Variants in SUMF1 observed in about 807,000 individuals in gnomAD.
The protein encoded by SUMF1 is sulfatase modifying factor 1, also known as formylglycine-generating enzyme.
A neutral mutation model predicts 47.6 loss-of-function variants in SUMF1; 48 were observed. The observed-to-expected ratio is 1.01, with a 90% CI of 0.80 to 1.28. SUMF1 has a LOEUF of 1.28. SUMF1 is among the 50% of genes most tolerant of loss of function. The probability of loss-of-function intolerance (pLI) is 0.00; values close to 1 mark genes in which losing one functional copy is unlikely to be tolerated. For missense variants in SUMF1, 571 were observed against 485.4 expected (o/e 1.18, Z -1.66); for synonymous variants, 230 against 192.1 (o/e 1.20, Z -1.63).
At chr3:4,227,919 G>A (rs892240879) in intron 8 of SUMF1, among the ~76,000 whole-genome samples, 3 of 152,090 alleles carry the variant, frequency 2.0e-5, no homozygotes, top group Non-Finnish European at 4.4e-5. Flanking sequence ...ATTTATATTT[G>A]AGTGTGATGC....
At chr3:4,106,144 C>A (rs1693153007) in intron 8 of SUMF1, among the ~76,000 whole-genome samples, 1 of 151,938 alleles carries the variant, frequency 6.6e-6, no homozygotes, top group South Asian at 2.1e-4. Context: ...AGGAGAATTT[C>A]TGTAGGGTTC....
At chr3:4,216,010 T>C (rs1408610913) in intron 8 of SUMF1, among the ~76,000 whole-genome samples, 1 of 152,164 alleles carries the variant, frequency 6.6e-6, no homozygotes, top group Non-Finnish European at 1.5e-5. Flanking sequence ...AAGCTACCAC[T>C]GACTTTCTTC....
chr3:4,252,781 GA>G (rs142331891), intron 8 of SUMF1, among the ~76,000 whole-genome samples: 20 of 147,770 alleles, frequency 1.4e-4, no homozygotes, highest in African/African-American at 4.7e-4. Flanking sequence ...TTACCTCCAA[GA>G]AAAAAAAAAC....
intron 8 of SUMF1, among the ~76,000 whole-genome samples, chr3:4,212,545 T>C (rs566894809): frequency 5.9e-4 from 90 of 151,960 alleles, no homozygotes; most frequent in Non-Finnish European, 1.1e-3. Context: ...GGAGCAAAAA[T>C]GGACAGAGAA....
chr3:4,219,282 T>C (rs761073650), intron 8 of SUMF1, among the ~76,000 whole-genome samples: 1 of 152,200 alleles, frequency 6.6e-6, no homozygotes, highest in Non-Finnish European at 1.5e-5. Context: ...ATTTGATCCT[T>C]ACAAATCAAT....
intron 8 of SUMF1, among the ~76,000 whole-genome samples, chr3:4,218,407 T>C (rs1695986668): frequency 6.6e-6 from 1 of 152,126 alleles, no homozygotes; most frequent in Non-Finnish European, 1.5e-5. Context: ...ACCACAGGCC[T>C]CCGGGAATAA....
chr3:4,178,313 T>A (rs542595297), intron 8 of SUMF1, among the ~76,000 whole-genome samples: 1 of 152,132 alleles, frequency 6.6e-6, no homozygotes, highest in Non-Finnish European at 1.5e-5. Context: ...GCAAACCGAA[T>A]CCAGCAGCAT....
intron 8 of SUMF1, among the ~76,000 whole-genome samples, chr3:4,157,200 A>AG (rs1375288562): frequency 6.6e-6 from 1 of 151,498 alleles, no homozygotes. Context: ...CATCACAGAC[A>AG]TCTCCAATTC....
chr3:4,401,157 T>C (rs1326948449), intron 7 of SUMF1, among the ~76,000 whole-genome samples: 3 of 152,168 alleles, frequency 2.0e-5, no homozygotes, highest in Non-Finnish European at 2.9e-5. Context: ...TCATTTTTCA[T>C]GGCTGCACAG....
intron 7 of SUMF1, among the ~76,000 whole-genome samples, chr3:4,389,362 GTCATTTTTTCTGGCTGCTTTTAAAAGT>G (rs1229066502): frequency 2.0e-5 from 3 of 149,602 alleles, no homozygotes; most frequent in African/African-American, 7.4e-5. Context: ...TAGGTAAGGT[GTCATTTTTTCTGGCTGCTTTTAAAAGT>G]TTTGTCTTTA....
chr3:4,165,774 C>T lies in SUMF1; in HGVS notation c.1015-97029G>A, dbSNP rs187149261. On this transcript the variant is annotated intron_variant and NMD_transcript_variant, in intron 8 of 12. Transcript: ENST00000448413. ...TTGTGGGTCAAATTGGCCCCAATGG[C>T]TTAGGATGCATTTCAAGGGTGAACC... is the stretch of plus-strand genomic sequence containing the variant. Among the ~76,000 whole-genome samples, 36 of 151,326 alleles carry T rather than the reference C, an allele frequency of 2.4e-4. 1 individual carries two copies. The highest frequency in any genetic ancestry group is 8.8e-4 in the African/African-American group (36 of 41,128).
chr3:4,362,351 TC>T, intron 8 of SUMF1, 97 bp from the exon 9 acceptor site: 1 of 970,620 alleles, frequency 1.0e-6, no homozygotes, highest in Non-Finnish European at 1.6e-6. Context: ...AGACAGTGCT[TC>T]CCCACAACCC....
intron 3 of SUMF1, 43 bp downstream of exon 3, chr3:4,449,223 T>G: frequency 3.9e-4 from 628 of 1,608,030 alleles, no homozygotes; most frequent in Non-Finnish European, 4.7e-4. Flanking sequence ...CCCTTTTCAA[T>G]GAGCCTTAGA....
chr3:4,355,244 T>C (rs191015503), intron 8 of SUMF1, among the ~76,000 whole-genome samples: 5 of 152,262 alleles, frequency 3.3e-5, no homozygotes, highest in Admixed American at 1.3e-4. Flanking sequence ...TAGTCCCAGA[T>C]ACTCAGAAGG....
In SUMF1 at chr3:4,184,506, C is replaced by G. The variant is rs540758634; in HGVS notation, c.1015-115761G>C. 9.2e-5 allele frequency among the ~76,000 whole-genome samples: 14 copies of G among 151,994 alleles called. No individual in the cohort carries two copies. The South Asian group carries it at 2.9e-3, about 32-fold the overall frequency. ...AGAAAAAAATGCAAAAGAGTCGATT[C>G]TTACACTGAGTGAGGGACTTGGTCT... On this transcript the variant is annotated intron_variant and NMD_transcript_variant, in intron 8 of 12. Transcript: ENST00000448413.
chr3:4,049,153 C>T (rs921525872), intron 9 of SUMF1, among the ~76,000 whole-genome samples: 1 of 152,162 alleles, frequency 6.6e-6, no homozygotes, highest in Non-Finnish European at 1.5e-5. Flanking sequence ...TTCTCACTTG[C>T]ACTACACAGA....
intron 8 of SUMF1, among the ~76,000 whole-genome samples, chr3:4,094,122 G>A (rs1692848445): frequency 6.6e-6 from 1 of 152,054 alleles, no homozygotes; most frequent in Non-Finnish European, 1.5e-5. Context: ...AGGTTTATGA[G>A]GTATAGGTCA....
intron 8 of SUMF1, among the ~76,000 whole-genome samples, chr3:4,374,021 A>G (rs1344262429): frequency 6.6e-6 from 1 of 152,160 alleles, no homozygotes; most frequent in Non-Finnish European, 1.5e-5. Context: ...TTAGCAATGG[A>G]AAAAAACTTT....
Position 4,303,948 on chromosome 3 carries a change from G to A in SUMF1, c.1014+72382C>T, listed in dbSNP as rs56299771. Reference sequence around the variant, plus strand: ...ACAGCCCCTCGAGTCAGCCTTAGCTGTGGTCTCCCTCACGCTGTGGGCTCT... The same window carrying A: ...ACAGCCCCTCGAGTCAGCCTTAGCTATGGTCTCCCTCACGCTGTGGGCTCT... On this transcript the variant is annotated intron_variant and NMD_transcript_variant, in intron 8 of 12. Transcript: ENST00000448413. 3,116 of 1,028,714 alleles carry A rather than the reference G, an allele frequency of 3.0e-3. 67 individuals are homozygous for A. The African/African-American group carries it at 0.049, about 16-fold the overall frequency. The allele number at this position is 1,028,714 out of a possible 1,614,324, so 63.7% of individuals were successfully genotyped here. A position where few individuals can be genotyped will look rare whatever the true frequency, so the allele number is the denominator to read the frequency against.
Sources: allele counts gnomAD v4.1 joint callset (sites outside exome capture counted in the v4.1 genomes callset), GRCh38; gene constraint gnomAD v4.1.1; transcripts MANE v1.5; gene names NCBI Gene and HGNC (gene_info 2026-07-23, HGNC 2026-07-21).